The following HID1 variants were observed in gnomAD, a reference collection of about 807,000 sequenced individuals.
HID1 encodes the protein protein HID1.
HID1 carries 42 observed loss-of-function variants against 89.7 expected under a neutral mutation model. That is an observed-to-expected ratio of 0.47 (90% CI 0.37 to 0.61). The LOEUF is 0.61. Ranked by LOEUF, HID1 falls within the 20% of genes least tolerant of loss-of-function variation. The pLI is 0.00. For synonymous variants in HID1, 442 were observed against 433.8 expected (o/e 1.02, Z -0.24); for missense variants, 854 against 1,039.3 (o/e 0.82, Z 2.45).
intron 15 of HID1, 21 bp downstream of exon 15, chr17:74,953,524 C>G: frequency 6.2e-7 from 1 of 1,605,154 alleles, no homozygotes; most frequent in Non-Finnish European, 8.5e-7. Flanking sequence ...ACGCCCGGCT[C>G]CAGGAGTCCC....
chr17:74,964,343 A>G (rs2039530299), intron 2 of HID1, 140 bp downstream of exon 2: 5 of 961,180 alleles, frequency 5.2e-6, no homozygotes, highest in Non-Finnish European at 7.6e-6. Context: ...CAGCAAAGAG[A>G]ACCACAGAGA....
intron 1 of HID1, among the ~76,000 whole-genome samples, chr17:74,970,005 A>G (rs1272664971): frequency 7.6e-6 from 1 of 131,272 alleles, no homozygotes; most frequent in Non-Finnish European, 1.6e-5. Flanking sequence ...CAACCTCTGC[A>G]TCCTGGGGTC....
At position 74,962,935 on chromosome 17, in the gene HID1, C is replaced by T; in HGVS notation, c.504+30G>A. 6.5e-7 allele frequency: 1 copy of T among 1,531,886 alleles called. No homozygotes were observed. Among genetic ancestry groups the T allele is most frequent in the Non-Finnish European group, 9.0e-7 (1 of 1,110,526 alleles). 94.9% of individuals were successfully genotyped at this position (1,531,886 alleles called of 1,614,324 possible). On this transcript the variant is annotated intron_variant, in intron 4 of 18. Coordinates refer to ENST00000425042, the MANE Select transcript of HID1 (RefSeq NM_030630.3). The surrounding 1 kb of genome is among the most constrained non-coding windows in gnomAD (Gnocchi z 4.3). Reference sequence around the variant, plus strand: ...CAACCCAGGACCAGAGCCTACTCCGCCTGGGGGTGGGGGGCTGGGGGACAC... The same window carrying T: ...CAACCCAGGACCAGAGCCTACTCCGTCTGGGGGTGGGGGGCTGGGGGACAC...
rs141799560 is a variant in HID1, at chr17:74,962,244, C to A, written c.601G>T (p.Asp201Tyr). 1 of 1,607,476 alleles carries A rather than the reference C, an allele frequency of 6.2e-7. No individual in the cohort carries two copies. Among genetic ancestry groups the A allele is most frequent in the African/African-American group, 1.3e-5 (1 of 74,952 alleles). Residue 201 changes from aspartate to tyrosine, a missense_variant, in exon 5 of 19, where the codon GAT becomes TAT. By Grantham distance (160) the Asp-to-Tyr change is radical. Coordinates refer to ENST00000425042, the MANE Select transcript of HID1 (RefSeq NM_030630.3). This position sits in a 1 kb window ranked among gnomAD's most constrained non-coding sequence, Gnocchi z 4.3. ...AHSPQPNYIH[D>Y]MNRMELLKLL... is the part of the protein sequence containing the mutation. ...CTGGGCGAAGCTCACCGGTTCATAT[C>A]GTGGATGTAGTTAGGCTGGGGGGAG...
chr17:74,971,041 C>T (rs1388763548), intron 1 of HID1, among the ~76,000 whole-genome samples: 1 of 152,178 alleles, frequency 6.6e-6, no homozygotes, highest in East Asian at 1.9e-4. Flanking sequence ...AGGGCTGTAG[C>T]CAGGGAAAGA....
rs765467682 is a variant in HID1, at chr17:74,963,758, G to C, written c.369C>G (p.Pro123=). ...CACAGACCCCTCCTCGCCCTGCCCCGGGCACTGTGGACCAGAAGAAGCCCC... is the reference window on the plus strand; with the variant it reads ...CACAGACCCCTCCTCGCCCTGCCCCCGGCACTGTGGACCAGAAGAAGCCCC... ...DWRGFFWSTV[P]GAGRGGQGEE... Residue 123 remains proline, a synonymous_variant, in exon 3 of 19, where the codon CCC becomes CCG. Coordinates refer to ENST00000425042, the MANE Select transcript of HID1 (RefSeq NM_030630.3). The C allele has an allele frequency of 1.2e-6, 2 of 1,611,154 alleles. No homozygotes were observed. The highest frequency in any genetic ancestry group is 1.7e-6 in the Non-Finnish European group (2 of 1,178,774).
chr17:74,954,279 G>T lies in HID1; in HGVS notation c.1723C>A (p.His575Asn). ...ANLPTDPPTI[H>N]KALQRRRRTP... ...CGCCGGCGCCGCTGCAGGGCCTTGTGAATGGTGGGCGGGTCCGTGGGCAGG... is the reference window on the plus strand; with the variant it reads ...CGCCGGCGCCGCTGCAGGGCCTTGTTAATGGTGGGCGGGTCCGTGGGCAGG... The change falls in exon 14 of 19, where the codon CAC (histidine) becomes AAC (asparagine). Residue 575 changes from histidine (H) to asparagine (N), a missense_variant. Coordinates refer to ENST00000425042, the MANE Select transcript of HID1 (RefSeq NM_030630.3). 1 of 1,588,346 alleles carries T rather than the reference G, an allele frequency of 6.3e-7. No homozygotes were observed. Among genetic ancestry groups the T allele is most frequent in the East Asian group, 2.3e-5 (1 of 43,756 alleles).
Position 74,958,030 on chromosome 17 carries a change from C to A in HID1, c.1471+111G>T. On this transcript the variant is annotated intron_variant, in intron 12 of 18. Coordinates refer to ENST00000425042, the MANE Select transcript of HID1 (RefSeq NM_030630.3). The surrounding 1 kb of genome is among the most constrained non-coding windows in gnomAD (Gnocchi z 5.2). ...CTACTATGAAGGGTACACAAGCTTG[C>A]GTTCTTTCTGTGGGCTGGAGGGGCT... The A allele has an allele frequency of 1.1e-6, 1 of 901,888 alleles. No individual in the cohort carries two copies. Among genetic ancestry groups the A allele is most frequent in the African/African-American group, 1.7e-5 (1 of 60,478 alleles). 55.9% of individuals were successfully genotyped at this position (901,888 alleles called of 1,614,324 possible).
At position 74,958,344 on chromosome 17, in the gene HID1, C is replaced by T. The variant is rs1567960074; in HGVS notation, c.1375G>A (p.Ala459Thr). 4 of 1,613,138 alleles carry T rather than the reference C, an allele frequency of 2.5e-6. No homozygotes were observed. The highest frequency in any genetic ancestry group is 2.5e-6 in the Non-Finnish European group (3 of 1,179,666). The change falls in exon 11 of 19, where the codon GCC (alanine) becomes ACC (threonine). Residue 459 changes from alanine to threonine, a missense_variant. By Grantham distance (58) the Ala-to-Thr change is moderately conservative (BLOSUM62 0). Transcript: ENST00000425042. The surrounding 1 kb of genome is among the most constrained non-coding windows in gnomAD (Gnocchi z 5.2). ...CCCCTCACCACAATGAGCAGGTCGG[C>T]GTGGGTCCCTGTGAAGACTGGGATG... ...MDIPVFTGTHADLLIVVFHKI... is the reference protein window; with the variant it reads ...MDIPVFTGTHTDLLIVVFHKI...
chr17:74,956,781 T>A (rs1297611191), intron 12 of HID1, among the ~76,000 whole-genome samples: 1 of 152,236 alleles, frequency 6.6e-6, no homozygotes, highest in Non-Finnish European at 1.5e-5. Flanking sequence ...CATGGCCACC[T>A]GCCTTGCTAG....
In HID1 at chr17:74,962,887, G is replaced by A. The variant is rs1476558167; in HGVS notation, c.504+78C>T. ...CCGGCCCCCAGTGCAATCCGCCCAA[G>A]GGAACTTCAACTGGCCCGGCCCCAA... On this transcript the variant is annotated intron_variant, in intron 4 of 18. Transcript: ENST00000425042. The surrounding 1 kb of genome is among the most constrained non-coding windows in gnomAD (Gnocchi z 4.3). 1 of 1,047,008 alleles carries A rather than the reference G, an allele frequency of 9.6e-7. No homozygotes were observed. Among genetic ancestry groups the A allele is most frequent in the Middle Eastern group, 2.2e-4 (1 of 4,482 alleles). 64.9% of individuals were successfully genotyped at this position (1,047,008 alleles called of 1,614,324 possible). A position where few individuals can be genotyped will look rare whatever the true frequency, so the allele number is the denominator to read the frequency against.
rs560812562 is a variant in HID1, at chr17:74,953,548, C to T, written c.1968G>A (p.Lys656=). 3.1e-6 allele frequency: 5 copies of T among 1,613,792 alleles called. No homozygotes were observed. In the South Asian group the frequency reaches 5.5e-5, roughly 18 times the overall value. ...TCCAGGAGTCCCCGTCACCCACCCC[C>T]TTAGCCGGGCTGCCATCCTCCAAGC... The part of the protein sequence containing the change: ...QQSLEDGSPA[K]GEPSQAWREQ... Residue 656 remains lysine (K), a synonymous_variant, in exon 15 of 19, where the codon AAG becomes AAA. Transcript: ENST00000425042.
In HID1 at chr17:74,950,991, A is replaced by C; in HGVS notation, c.*579T>G. On this transcript the variant is annotated 3_prime_UTR_variant, in exon 19 of 19. Coordinates refer to ENST00000425042, the MANE Select transcript of HID1 (RefSeq NM_030630.3). ...TGGATCCAGGAGAATATAGCAGGAG[A>C]CCCTCACCACCCCACACCATGCCCC... 6.5e-6 allele frequency: 1 copy of C among 152,788 alleles called. No homozygotes were observed. The highest frequency in any genetic ancestry group is 6.5e-5 in the Admixed American group (1 of 15,328). 9.5% of individuals were successfully genotyped at this position (152,788 alleles called of 1,614,324 possible).
chr17:74,967,466 G>T (rs1012326671), intron 1 of HID1, among the ~76,000 whole-genome samples: 1 of 151,572 alleles, frequency 6.6e-6, no homozygotes. Context: ...TTGAACCCAG[G>T]AGGCGGAGGT....
In HID1 at chr17:74,952,262, G is replaced by T. The variant is rs775646407; in HGVS notation, c.2144+7C>A. ...ACAACCCCCGGCCCTGCCGGCGCCC[G>T]ACTCACTTGTCAATGCAGATCTTCT... On this transcript the variant is annotated splice_region_variant and intron_variant, in intron 17 of 18. Transcript: ENST00000425042. 3.1e-6 allele frequency: 5 copies of T among 1,603,722 alleles called. No homozygotes were observed. The South Asian group carries it at 5.5e-5, about 18-fold the overall frequency.
At chr17:74,969,340 G>T (rs750390742) in intron 1 of HID1, among the ~76,000 whole-genome samples, 1 of 151,818 alleles carries the variant, frequency 6.6e-6, no homozygotes, top group Non-Finnish European at 1.5e-5. Flanking sequence ...CGCCTGCCAC[G>T]ACGCCCGGCT....
At position 74,958,427 on chromosome 17, in the gene HID1, C is replaced by G. The variant is rs905080019; in HGVS notation, c.1292G>C (p.Gly431Ala). ...CAGCCGCACCCCGAAGTTCCGCTCC[C>G]CGCTCAGAAGCAGCAAGATGAAGAC... is the stretch of plus-strand genomic sequence containing the variant. ...IGVFILLLLS[G>A]ERNFGVRLNK... Residue 431 changes from glycine (G) to alanine (A), a missense_variant, in exon 11 of 19, where the codon GGG becomes GCG. Coordinates refer to ENST00000425042, the MANE Select transcript of HID1 (RefSeq NM_030630.3). This position sits in a 1 kb window ranked among gnomAD's most constrained non-coding sequence, Gnocchi z 5.2. The G allele has an allele frequency of 2.5e-6, 4 of 1,604,224 alleles. No individual in the cohort carries two copies. Among genetic ancestry groups the G allele is most frequent in the Non-Finnish European group, 3.4e-6 (4 of 1,175,490 alleles).
chr17:74,972,573 G>C lies in HID1; in HGVS notation c.66+18C>G, dbSNP rs1165675142. The C allele has an allele frequency of 1.0e-5, 16 of 1,542,312 alleles. No individual in the cohort carries two copies. The highest frequency in any genetic ancestry group is 1.4e-5 in the Non-Finnish European group (16 of 1,142,100). The stretch of plus-strand genomic sequence containing the variant: ...AGCCCGGCAGGTGGATGGGGACGCC[G>C]GGGCCCCCGTGGCGCACCTGCGTCT... On this transcript the variant is annotated intron_variant, in intron 1 of 18. Transcript: ENST00000425042. This position sits in a 1 kb window ranked among gnomAD's most constrained non-coding sequence, Gnocchi z 6.4.
chr17:74,965,019 C>G (rs1359579116), intron 1 of HID1, among the ~76,000 whole-genome samples: 2 of 152,246 alleles, frequency 1.3e-5, no homozygotes, highest in African/African-American at 4.8e-5. Context: ...AAGACCATGC[C>G]CTCTCTCCAT....
Sources: allele counts gnomAD v4.1 joint callset (sites outside exome capture counted in the v4.1 genomes callset), GRCh38; gene constraint gnomAD v4.1.1; non-coding constraint Gnocchi (gnomAD v3.1); transcripts MANE v1.5; gene names NCBI Gene and HGNC (gene_info 2026-07-23, HGNC 2026-07-21).